Variants in LYZL4 observed in about 807,000 individuals in gnomAD.
LYZL4 encodes the protein lysozyme like 4.
A neutral mutation model predicts 17.6 loss-of-function variants in LYZL4; 13 were observed. That is an observed-to-expected ratio of 0.74 (90% CI 0.48 to 1.18). LYZL4 has a LOEUF of 1.18. Ranked by LOEUF, LYZL4 falls within the 50% of genes most tolerant of loss-of-function variation. The pLI, the probability that LYZL4 is intolerant of heterozygous loss-of-function variation, is 0.00. For missense variants in LYZL4, 174 were observed against 188.2 expected, an observed-to-expected ratio of 0.92 and a Z score of 0.44; for synonymous variants, 64 against 67.7, an observed-to-expected ratio of 0.95 and a Z score of 0.27.
At position 42,407,299 on chromosome 3, in the gene LYZL4, G is replaced by C. The variant is rs1432070823; in HGVS notation, c.-48C>G. On this transcript the variant is annotated 5_prime_UTR_variant, in exon 2 of 5. Transcript: ENST00000287748. ...CAGGGCAACGGTGGCCAGATGAGTG[G>C]GTGGAGTCACAGGGACACTGGTTCT... The C allele has an allele frequency of 6.2e-7, 1 of 1,612,162 alleles. No individual in the cohort carries two copies. The highest frequency in any genetic ancestry group is 1.3e-5 in the African/African-American group (1 of 74,868).
chr3:42,408,415 C>A (rs1372779355), intron 1 of LYZL4, among the ~76,000 whole-genome samples: 1 of 152,200 alleles, frequency 6.6e-6, no homozygotes, highest in Non-Finnish European at 1.5e-5. Flanking sequence ...CTTCCCAATG[C>A]ACAGGGCCCT....
Position 42,407,277 on chromosome 3 carries a change from G to C in LYZL4, c.-26C>G. On this transcript the variant is annotated 5_prime_UTR_variant, in exon 2 of 5. Transcript: ENST00000287748. ...CTTCTCCAGGCTCCTGGCAGGTCAGGGCAACGGTGGCCAGATGAGTGGGTG... is the reference window on the plus strand; with the variant it reads ...CTTCTCCAGGCTCCTGGCAGGTCAGCGCAACGGTGGCCAGATGAGTGGGTG... The C allele has an allele frequency of 6.2e-7, 1 of 1,613,622 alleles. No homozygotes were observed. The highest frequency in any genetic ancestry group is 1.3e-5 in the African/African-American group (1 of 75,022).
chr3:42,362,803 C>T, the LYZL4 span, among the ~76,000 whole-genome samples: 1 of 152,134 alleles, frequency 6.6e-6, no homozygotes, highest in Non-Finnish European at 1.5e-5. Flanking sequence ...ATCTACACTG[C>T]CAAAGTATCA....
the LYZL4 span, among the ~76,000 whole-genome samples, chr3:42,373,663 A>G: frequency 6.6e-6 from 1 of 152,178 alleles, no homozygotes; most frequent in Non-Finnish European, 1.5e-5. Flanking sequence ...AGACATGCAC[A>G]ATCAGGAAGG....
chr3:42,376,388 G>T, the LYZL4 span, among the ~76,000 whole-genome samples: 1 of 152,184 alleles, frequency 6.6e-6, no homozygotes, highest in Non-Finnish European at 1.5e-5. Flanking sequence ...TTCATTGCCA[G>T]TTCCTGGGTA....
chr3:42,377,110 C>T, the LYZL4 span, among the ~76,000 whole-genome samples: 1 of 152,164 alleles, frequency 6.6e-6, no homozygotes, highest in African/African-American at 2.4e-5. Flanking sequence ...CTGCAGGATC[C>T]TGAAGCAGTA....
At chr3:42,380,327 CACATA>C in the LYZL4 span, among the ~76,000 whole-genome samples, 1 of 152,176 alleles carries the variant, frequency 6.6e-6, no homozygotes, top group Non-Finnish European at 1.5e-5. Flanking sequence ...TGCCCAAAGT[CACATA>C]ACTGATAAAT....
chr3:42,365,191 A>G, the LYZL4 span, among the ~76,000 whole-genome samples: 1 of 152,202 alleles, frequency 6.6e-6, no homozygotes, highest in Non-Finnish European at 1.5e-5. Context: ...GGGAAATTTG[A>G]ATATGGTTTG....
chr3:42,380,287 T>C, the LYZL4 span, among the ~76,000 whole-genome samples: 1 of 152,216 alleles, frequency 6.6e-6, no homozygotes, highest in African/African-American at 2.4e-5. Context: ...TATAGATAAG[T>C]AACTGGGAAT....
At chr3:42,379,291 G>A in the LYZL4 span, among the ~76,000 whole-genome samples, 8 of 152,110 alleles carry the variant, frequency 5.3e-5, no homozygotes, top group Non-Finnish European at 1.0e-4. Context: ...TGGGCAGCTC[G>A]GACATCTCCT....
chr3:42,366,052 G>T, the LYZL4 span, among the ~76,000 whole-genome samples: 4 of 152,016 alleles, frequency 2.6e-5, no homozygotes, highest in Non-Finnish European at 5.9e-5. Context: ...CCAGGCACTG[G>T]GGTTAGGGAG....
chr3:42,375,041 G>A, the LYZL4 span, among the ~76,000 whole-genome samples: 7 of 151,972 alleles, frequency 4.6e-5, no homozygotes, highest in Non-Finnish European at 7.4e-5. Context: ...GAACTCCTGG[G>A]CTCAAGCAAT....
chr3:42,364,272 C>T, the LYZL4 span, among the ~76,000 whole-genome samples: 3 of 152,006 alleles, frequency 2.0e-5, no homozygotes, highest in African/African-American at 7.2e-5. Flanking sequence ...ATGGGGTGTC[C>T]TACAACCTGC....
the LYZL4 span, among the ~76,000 whole-genome samples, chr3:42,374,725 C>T: frequency 1.3e-5 from 2 of 152,214 alleles, no homozygotes; most frequent in African/African-American, 2.4e-5. Context: ...AGCCACAGAG[C>T]ATCACACCTT....
At chr3:42,394,339 AG>A (rs1698524617), downstream of LYZL4, among the ~76,000 whole-genome samples, 1 of 152,334 alleles carries the variant, frequency 6.6e-6, no homozygotes, top group East Asian at 1.9e-4. Context: ...ATATAGTACC[AG>A]GGTTTGGAAG....
downstream of LYZL4, chr3:42,396,998 G>T (rs1698558972): frequency 1.3e-5 from 4 of 299,922 alleles, no homozygotes; most frequent in Non-Finnish European, 2.5e-5. Flanking sequence ...CTCCATATGA[G>T]ATTAAATAAT....
the LYZL4 span, among the ~76,000 whole-genome samples, chr3:42,369,618 C>T: frequency 0.042 from 6,367 of 152,234 alleles, 211 homozygotes; most frequent in Middle Eastern, 0.11. Context: ...CCCAGGCTCT[C>T]GGAGGCCCAG....
At chr3:42,393,455 A>G (rs1257836288), downstream of LYZL4, among the ~76,000 whole-genome samples, 24 of 152,194 alleles carry the variant, frequency 1.6e-4, no homozygotes, top group Non-Finnish European at 2.9e-5. Context: ...CCCAGAAATC[A>G]GAAGACCCCC....
intron 1 of LYZL4, among the ~76,000 whole-genome samples, chr3:42,409,189 C>T (rs1698817797): frequency 6.6e-6 from 1 of 152,172 alleles, no homozygotes; most frequent in Non-Finnish European, 1.5e-5. Context: ...ACAAATTGCT[C>T]AACCTCTTGA....
Sources: allele counts gnomAD v4.1 joint callset (sites outside exome capture counted in the v4.1 genomes callset), GRCh38; gene constraint gnomAD v4.1.1; transcripts MANE v1.5; gene names NCBI Gene and HGNC (gene_info 2026-07-23, HGNC 2026-07-21).